The following MYNN variants were observed in gnomAD, a reference collection of about 807,000 sequenced individuals.
MYNN encodes the protein myoneurin.
MYNN carries 22 observed loss-of-function variants against 57.2 expected under a neutral mutation model. That is an observed-to-expected ratio of 0.38 (90% CI 0.27 to 0.55). The LOEUF is 0.55. MYNN is among the 20% of genes least tolerant of loss of function. The probability of loss-of-function intolerance (pLI) is 0.71; values close to 1 mark genes in which losing one functional copy is unlikely to be tolerated. For synonymous variants in MYNN, 241 were observed against 257.1 expected, an observed-to-expected ratio of 0.94 and a Z score of 0.60; for missense variants, 566 against 723.1, an observed-to-expected ratio of 0.78 and a Z score of 2.49.
At chr3:169,779,799 G>A (rs990651726) in intron 3 of MYNN, 1 of 485,124 alleles carries the variant, frequency 2.1e-6, no homozygotes, top group Non-Finnish European at 3.6e-6. Flanking sequence ...AAATAAGTAT[G>A]TTGATTCTAG....
rs763359355 is a variant in MYNN at position 169,779,286 on chromosome 3, A to T, written c.785A>T (p.Lys262Ile). The T allele has an allele frequency of 8.1e-6, 13 of 1,614,206 alleles. No individual in the cohort carries two copies. In the Admixed American group the frequency reaches 2.2e-4, roughly 27 times the overall value. The change falls in exon 3 of 8, where the codon AAA becomes ATA. Residue 262 changes from lysine to isoleucine, a missense_variant. Lys to Ile is a moderately radical substitution (Grantham distance 102, BLOSUM62 -3). This residue lies in a region of MYNN where 261 missense variants were observed against 280.8 expected (regional missense o/e 0.93). Coordinates refer to ENST00000349841, the MANE Select transcript of MYNN (RefSeq NM_018657.5). Reference protein sequence around the residue: ...HTVTVKRKRGKSQPNCALKEH... With the variant: ...HTVTVKRKRGISQPNCALKEH... The stretch of plus-strand genomic sequence containing the variant: ...GTTACAGTGAAACGGAAACGTGGAA[A>T]ATCACAGCCAAACTGTGCTCTGAAA...
rs1176310460 is a variant in MYNN at position 169,782,064 on chromosome 3, C to T, written c.1221-401C>T. Among the ~76,000 whole-genome samples the T allele has an allele frequency of 6.6e-6, 1 of 152,120 alleles. No individual in the cohort carries two copies. The highest frequency in any genetic ancestry group is 1.5e-5 in the Non-Finnish European group (1 of 68,016). Reference sequence around the variant, plus strand: ...ATTGGAATTGATGGATTCAGATGAACTGTCACCCTCATGTCATATGAATTT... The same window carrying T: ...ATTGGAATTGATGGATTCAGATGAATTGTCACCCTCATGTCATATGAATTT... On this transcript the variant is annotated intron_variant, in intron 4 of 7. Coordinates refer to ENST00000349841, the MANE Select transcript of MYNN (RefSeq NM_018657.5). This position sits in a 1 kb window ranked among gnomAD's most constrained non-coding sequence, Gnocchi z 4.8.
In MYNN at chr3:169,774,259, T is replaced by G; in HGVS notation, c.-31-6T>G. The G allele has an allele frequency of 1.9e-6, 3 of 1,601,812 alleles. No individual in the cohort carries two copies. Among genetic ancestry groups the G allele is most frequent in the Non-Finnish European group, 2.6e-6 (3 of 1,171,028 alleles). On this transcript the variant is annotated splice_polypyrimidine_tract_variant and splice_region_variant and intron_variant, in intron 1 of 7. Coordinates refer to ENST00000349841, the MANE Select transcript of MYNN (RefSeq NM_018657.5). ...TACTGATTTACTGTTTCTTTTTGTC[T>G]TTTAGATCAAGGGTAAAATTCCATT...
At position 169,778,800 on chromosome 3, in the gene MYNN, A is replaced by C; in HGVS notation, c.299A>C (p.Asp100Ala). ...WNVKEIHQAA[D>A]YLKVEEVVTK... ...GTTAAAGAAATTCATCAGGCTGCTG[A>C]CTATCTCAAAGTGGAAGAGGTGGTC... Residue 100 changes from aspartate (D) to alanine (A), a missense_variant, in exon 3 of 8, where the codon GAC becomes GCC. By Grantham distance (126) the Asp-to-Ala change is moderately radical. Transcript: ENST00000349841. The C allele has an allele frequency of 6.2e-7, 1 of 1,606,828 alleles. No individual in the cohort carries two copies. The highest frequency in any genetic ancestry group is 8.5e-7 in the Non-Finnish European group (1 of 1,177,136).
chr3:169,775,957 G>A (rs1778327447), intron 2 of MYNN, among the ~76,000 whole-genome samples: 2 of 152,084 alleles, frequency 1.3e-5, no homozygotes, highest in African/African-American at 4.8e-5. Context: ...GGGAGGGAGA[G>A]AAAAGTAAAC....
chr3:169,784,512 A>C (rs1778614655), intron 6 of MYNN, 110 bp from the exon 7 acceptor site: 1 of 682,116 alleles, frequency 1.5e-6, no homozygotes, highest in African/African-American at 1.9e-5. Context: ...ATTTGAAACC[A>C]AATTTAAACA....
rs10576565 is a variant in MYNN, at chr3:169,775,365, CAA to C, written c.266+806_266+807del. 5.5e-3 allele frequency among the ~76,000 whole-genome samples: 838 copies of C among 152,228 alleles called. 8 individuals carry two copies. The highest frequency in any genetic ancestry group is 0.019 in the African/African-American group (798 of 41,540). On this transcript the variant is annotated intron_variant, in intron 2 of 7. Transcript: ENST00000349841. The stretch of plus-strand genomic sequence containing the variant: ...GGGGAAAAGGTGGAGGGAATAAAAG[CAA>C]AGAGAAACTGATTAAATTACCCCTG...
At chr3:169,780,425 G>A (rs1778477482) in intron 3 of MYNN, 165 bp from the exon 4 acceptor site, 1 of 481,364 alleles carries the variant, frequency 2.1e-6, no homozygotes, top group Non-Finnish European at 3.6e-6. Context: ...AATTTCTTTT[G>A]ATTCTACTGG....
chr3:169,777,577 A>C (rs1298883238), intron 2 of MYNN: 1 of 152,140 alleles, frequency 6.6e-6, no homozygotes, highest in East Asian at 1.9e-4. Flanking sequence ...ACAGCTAAGA[A>C]AGTTGAACCC....
chr3:169,777,541 G>A (rs1778386038), intron 2 of MYNN: 1 of 151,942 alleles, frequency 6.6e-6, no homozygotes, highest in Non-Finnish European at 1.5e-5. Flanking sequence ...TGTTTTTAGT[G>A]TTAACACCAA....
chr3:169,786,652 T>C lies in MYNN; in HGVS notation c.1807T>C (p.Leu603=), dbSNP rs1778686962. 6.2e-7 allele frequency: 1 copy of C among 1,613,042 alleles called. No homozygotes were observed. Among genetic ancestry groups the C allele is most frequent in the South Asian group, 1.1e-5 (1 of 91,044 alleles). ...TGTGAATGGGTATTCAGAACCACAG[T>C]TGATTTTTTTACAACAATTATACTG... The part of the protein sequence containing the change: ...STVNGYSEPQ[L]IFLQQLY Residue 603 remains leucine (L), a synonymous_variant, in exon 8 of 8, where the codon TTG becomes CTG. Transcript: ENST00000349841.
At position 169,779,341 on chromosome 3, in the gene MYNN, C is replaced by T; in HGVS notation, c.840C>T (p.Val280=). 6.2e-7 allele frequency: 1 copy of T among 1,614,182 alleles called. No individual in the cohort carries two copies. Among genetic ancestry groups the T allele is most frequent in the Non-Finnish European group, 8.5e-7 (1 of 1,180,042 alleles). The part of the protein sequence containing the change: ...KEHSMSNIAS[V]KSPYEAENSG... ...ACTCTATGTCTAATATAGCCAGCGT[C>T]AAGAGTCCTTATGAGGCGGAGAACT... Residue 280 remains valine, a synonymous_variant, in exon 3 of 8, where the codon GTC becomes GTT. Transcript: ENST00000349841.
chr3:169,774,629 T>C, intron 2 of MYNN, 68 bp downstream of exon 2: 1 of 1,421,888 alleles, frequency 7.0e-7, no homozygotes, highest in South Asian at 1.3e-5. Flanking sequence ...AGTAGATTTG[T>C]ATTTTTTCCA....
In MYNN at chr3:169,789,066, ATAAAT is replaced by A. The variant is rs1015764926; in HGVS notation, c.*2390_*2394del. 43 of 152,174 alleles carry A rather than the reference ATAAAT, an allele frequency of 2.8e-4. No individual in the cohort carries two copies. Among genetic ancestry groups the A allele is most frequent in the Admixed American group, 1.2e-3 (18 of 15,282 alleles). The allele number at this position is 152,174 out of a possible 1,614,324, so 9.4% of individuals were successfully genotyped here. On this transcript the variant is annotated 3_prime_UTR_variant, in exon 8 of 8. Coordinates refer to ENST00000349841, the MANE Select transcript of MYNN (RefSeq NM_018657.5). ...ATCTTACTGAGAAACTATTTTCTAA[ATAAAT>A]TTAATTTTCTTTTGTATTTGTATCA...
At chr3:169,779,933 T>G (rs1051281903) in intron 3 of MYNN, 2 of 213,534 alleles carry the variant, frequency 9.4e-6, no homozygotes, top group Non-Finnish European at 1.9e-5. Flanking sequence ...CTCTGTTGAC[T>G]TCTGAACATG....
At position 169,782,404 on chromosome 3, in the gene MYNN, A is replaced by G; in HGVS notation, c.1221-61A>G. On this transcript the variant is annotated intron_variant, in intron 4 of 7. Coordinates refer to ENST00000349841, the MANE Select transcript of MYNN (RefSeq NM_018657.5). This position sits in a 1 kb window ranked among gnomAD's most constrained non-coding sequence, Gnocchi z 4.8. ...ATAAAATCTATAAAAAACTTTATGA[A>G]TTCTTGCTATATAGACTGACCTCCA... 7.4e-7 allele frequency: 1 copy of G among 1,358,394 alleles called. No individual in the cohort carries two copies. The highest frequency in any genetic ancestry group is 1.0e-6 in the Non-Finnish European group (1 of 994,914). The allele number at this position is 1,358,394 out of a possible 1,614,324, so 84.1% of individuals were successfully genotyped here.
In MYNN at chr3:169,782,273, C is replaced by T. The variant is rs1162558847; in HGVS notation, c.1221-192C>T. ...ATGGAAAAACTTTTTGAACTGATCTCAGAACTAATGTTTTGATAATAAGAA... is the reference window on the plus strand; with the variant it reads ...ATGGAAAAACTTTTTGAACTGATCTTAGAACTAATGTTTTGATAATAAGAA... On this transcript the variant is annotated intron_variant, in intron 4 of 7. Coordinates refer to ENST00000349841, the MANE Select transcript of MYNN (RefSeq NM_018657.5). This position sits in a 1 kb window ranked among gnomAD's most constrained non-coding sequence, Gnocchi z 4.8. Among the ~76,000 whole-genome samples the T allele has an allele frequency of 6.6e-6, 1 of 152,148 alleles. No homozygotes were observed. The highest frequency in any genetic ancestry group is 1.5e-5 in the Non-Finnish European group (1 of 68,030).
Position 169,779,254 on chromosome 3 carries a change from G to A in MYNN, c.753G>A (p.Val251=). Residue 251 remains valine, a synonymous_variant, in exon 3 of 8, where the codon GTG becomes GTA. Coordinates refer to ENST00000349841, the MANE Select transcript of MYNN (RefSeq NM_018657.5). The part of the protein sequence containing the change: ...VENTFPAQDI[V]HTVTVKRKRG... ...ATACTTTTCCAGCACAAGATATTGT[G>A]CACACTGTTACAGTGAAACGGAAAC... is the stretch of plus-strand genomic sequence containing the variant. 1 of 1,614,166 alleles carries A rather than the reference G, an allele frequency of 6.2e-7. No individual in the cohort carries two copies. Among genetic ancestry groups the A allele is most frequent in the Admixed American group, 1.7e-5 (1 of 60,020 alleles).
intron 6 of MYNN, 89 bp downstream of exon 6, chr3:169,783,649 T>C (rs955754154): frequency 5.8e-6 from 5 of 855,132 alleles, no homozygotes; most frequent in African/African-American, 5.0e-5. Flanking sequence ...ATGGACTATA[T>C]GGTATTTAGT....
Sources: allele counts gnomAD v4.1 joint callset (sites outside exome capture counted in the v4.1 genomes callset), GRCh38; gene constraint gnomAD v4.1.1; regional missense constraint gnomAD v4.1.1; non-coding constraint Gnocchi (gnomAD v3.1); transcripts MANE v1.5; gene names NCBI Gene and HGNC (gene_info 2026-07-23, HGNC 2026-07-21).